DAB1: variants seen among roughly 807,000 people sequenced by gnomAD.
DAB1 encodes DAB adaptor protein 1, also known as disabled homolog 1.
A neutral mutation model predicts 64.6 loss-of-function variants in DAB1; 15 were observed. That is an observed-to-expected ratio of 0.23 (90% CI 0.16 to 0.36). DAB1 has a LOEUF of 0.36. Among genes scored for constraint, DAB1 ranks in the 10% least tolerant of loss-of-function variants. The pLI is 1.00. For synonymous variants in DAB1, 235 were observed against 251.9 expected, an observed-to-expected ratio of 0.93 and a Z score of 0.64; for missense variants, 596 against 706.7, an observed-to-expected ratio of 0.84 and a Z score of 1.78.
At chr1:58,212,114 T>C (rs945049670) in intron 4 of DAB1, among the ~76,000 whole-genome samples, 3 of 152,214 alleles carry the variant, frequency 2.0e-5, no homozygotes, top group African/African-American at 7.2e-5. Context: ...TGGTGTTTAA[T>C]GACCCTGCAG....
intron 5 of DAB1, among the ~76,000 whole-genome samples, chr1:58,039,647 G>C (rs1299360714): frequency 6.6e-6 from 1 of 151,866 alleles, no homozygotes; most frequent in African/African-American, 2.4e-5. Flanking sequence ...TTTGACATCT[G>C]AGACTTTGGC....
intron 9 of DAB1, among the ~76,000 whole-genome samples, chr1:57,033,964 C>T (rs918955160): frequency 3.3e-5 from 5 of 152,254 alleles, no homozygotes; most frequent in Non-Finnish European, 5.9e-5. Context: ...TGTTTTTATA[C>T]ATGTTGTCTT....
At chr1:58,501,913 T>A (rs1290512225) in intron 3 of DAB1, among the ~76,000 whole-genome samples, 1 of 152,038 alleles carries the variant, frequency 6.6e-6, no homozygotes, top group Non-Finnish European at 1.5e-5. Context: ...GAGAGCTGCC[T>A]CTCCCTCCTC....
intron 9 of DAB1, among the ~76,000 whole-genome samples, chr1:57,029,356 C>A (rs1323471419): frequency 6.6e-6 from 1 of 152,202 alleles, no homozygotes; most frequent in Non-Finnish European, 1.5e-5. Flanking sequence ...CAGAAGTTTG[C>A]TGCAAGGACA....
At chr1:57,174,551 T>A (rs1028565107) in intron 2 of DAB1, among the ~76,000 whole-genome samples, 3 of 152,176 alleles carry the variant, frequency 2.0e-5, no homozygotes, top group Admixed American at 6.5e-5. Flanking sequence ...AGTTATAATT[T>A]TCTGAGATCC....
chr1:58,190,643 T>G (rs1186839095), intron 4 of DAB1, among the ~76,000 whole-genome samples: 1 of 152,228 alleles, frequency 6.6e-6, no homozygotes, highest in African/African-American at 2.4e-5. Context: ...TCTAGCACTC[T>G]CTACCCAAAA....
intron 6 of DAB1, among the ~76,000 whole-genome samples, chr1:57,796,832 C>A (rs564084269): frequency 6.6e-6 from 1 of 152,146 alleles, no homozygotes; most frequent in Non-Finnish European, 1.5e-5. Context: ...GTCACCCTCC[C>A]TTCACTTTCT....
chr1:58,025,589 C>A (rs892297021), intron 5 of DAB1, among the ~76,000 whole-genome samples: 20 of 139,246 alleles, frequency 1.4e-4, no homozygotes, highest in African/African-American at 5.3e-4. Flanking sequence ...TATTTTATTT[C>A]TTTCTCTTGT....
chr1:57,632,970 T>G (rs1033668966), intron 7 of DAB1, among the ~76,000 whole-genome samples: 1 of 152,156 alleles, frequency 6.6e-6, no homozygotes, highest in Non-Finnish European at 1.5e-5. Context: ...ACCAAAGATA[T>G]GATCAAAATG....
At chr1:58,379,684 A>G (rs1644370094) in intron 3 of DAB1, among the ~76,000 whole-genome samples, 1 of 152,260 alleles carries the variant, frequency 6.6e-6, no homozygotes, top group South Asian at 2.1e-4. Flanking sequence ...GTTCTTCCCC[A>G]ATGAGCTGAT....
intron 7 of DAB1, among the ~76,000 whole-genome samples, chr1:57,584,544 A>G (rs1473450295): frequency 6.6e-6 from 1 of 152,130 alleles, no homozygotes; most frequent in Non-Finnish European, 1.5e-5. Context: ...GCTTCCAGTG[A>G]CCTGGGCTCG....
chr1:58,052,641 T>A (rs1366257411), intron 5 of DAB1, among the ~76,000 whole-genome samples: 1 of 152,222 alleles, frequency 6.6e-6, no homozygotes, highest in African/African-American at 2.4e-5. Context: ...TTGGGCAGTA[T>A]GGCCATTTTC....
chr1:57,606,581 AATATAAT>A (rs1558535457), intron 7 of DAB1, among the ~76,000 whole-genome samples: 1 of 102,236 alleles, frequency 9.8e-6, no homozygotes, highest in African/African-American at 3.7e-5. Context: ...TGAAATATAT[AATATAAT>A]ATATTATATA....
chr1:58,222,588 T>G (rs1446527465), intron 4 of DAB1, among the ~76,000 whole-genome samples: 1 of 152,182 alleles, frequency 6.6e-6, no homozygotes, highest in African/African-American at 2.4e-5. Flanking sequence ...CCTCCTAACC[T>G]TTTCCCCATC....
chr1:57,568,702 G>T (rs545347821), intron 7 of DAB1, among the ~76,000 whole-genome samples: 238 of 152,246 alleles, frequency 1.6e-3, no homozygotes, highest in African/African-American at 5.6e-3. Context: ...GGCCATCAGA[G>T]AAATGCAAAT....
At chr1:58,262,981 A>C (rs1470272825) in intron 4 of DAB1, among the ~76,000 whole-genome samples, 1 of 152,230 alleles carries the variant, frequency 6.6e-6, no homozygotes, top group Non-Finnish European at 1.5e-5. Flanking sequence ...ATGAATATGT[A>C]ACATGAGCGA....
At chr1:58,246,778 G>A (rs1367358650) in intron 4 of DAB1, among the ~76,000 whole-genome samples, 1 of 152,100 alleles carries the variant, frequency 6.6e-6, no homozygotes, top group African/African-American at 2.4e-5. Context: ...GTGTGAAATT[G>A]TGTGTGAGTG....
At chr1:58,007,703 G>A (rs963244340) in intron 5 of DAB1, among the ~76,000 whole-genome samples, 1 of 152,156 alleles carries the variant, frequency 6.6e-6, no homozygotes, top group African/African-American at 2.4e-5. Flanking sequence ...GCTGAAGGAG[G>A]ACTAAAAGCA....
chr1:57,870,941 A>G (rs983143584), intron 1 of DAB1, among the ~76,000 whole-genome samples: 5 of 152,172 alleles, frequency 3.3e-5, no homozygotes, highest in African/African-American at 9.6e-5. Context: ...TGCAAAGCAG[A>G]CTCTCATGAT....
Sources: gnomAD v4.1 joint callset for allele counts (sites outside exome capture counted in the v4.1 genomes callset) on GRCh38, gnomAD v4.1.1 for gene constraint, MANE v1.5 for transcripts, NCBI Gene and HGNC (gene_info 2026-07-23, HGNC 2026-07-21) for gene names.